The following MYH9 variants were observed in gnomAD, a reference collection of about 807,000 sequenced individuals.
MYH9 encodes myosin-9.
A neutral mutation model predicts 241.9 loss-of-function variants in MYH9; 29 were observed. The ratio of observed to expected loss-of-function variants is 0.12; its 90% CI spans 0.09 to 0.16. The LOEUF is 0.16. MYH9 is among the 10% of genes least tolerant of loss of function. The pLI is 1.00. For missense variants in MYH9, 1,803 were observed against 2,595.5 expected (o/e 0.69, Z 6.63); for synonymous variants, 1,047 against 1,062.6 (o/e 0.99, Z 0.29).
chr22:36,383,664 A>AG (rs1569537346), intron 1 of MYH9, among the ~76,000 whole-genome samples: 67 of 100,774 alleles, frequency 6.6e-4, no homozygotes, highest in Middle Eastern at 8.9e-3. Context: ...ATTAAAAAAA[A>AG]AGGGGGGGGG....
intron 21 of MYH9, among the ~76,000 whole-genome samples, chr22:36,301,287 T>G (rs957029252): frequency 1.3e-5 from 2 of 152,186 alleles, no homozygotes; most frequent in African/African-American, 2.4e-5. Flanking sequence ...GCTCAAGTCA[T>G]GTGGTAGAGC....
At chr22:36,362,401 G>A (rs2017948685) in intron 1 of MYH9, among the ~76,000 whole-genome samples, 1 of 152,142 alleles carries the variant, frequency 6.6e-6, no homozygotes, top group African/African-American at 2.4e-5. Context: ...ATCTCATGTG[G>A]CATGTGTCAC....
Position 36,292,016 on chromosome 22 carries a change from G to A in MYH9, c.4314C>T (p.Asn1438=). The A allele has an allele frequency of 6.2e-7, 1 of 1,614,196 alleles. No homozygotes were observed. The highest frequency in any genetic ancestry group is 8.5e-7 in the Non-Finnish European group (1 of 1,180,032). ...DLDHQRQSAC[N]LEKKQKKFDQ... is the part of the protein sequence containing the mutation. ...CAAACTTCTTCTGCTTCTTCTCCAG[G>A]TTGCACGCGCTCTGGCGCTGGTGGT... Residue 1438 remains asparagine, a synonymous_variant, in exon 31 of 41, where the codon AAC becomes AAT. Coordinates refer to ENST00000216181, the MANE Select transcript of MYH9 (RefSeq NM_002473.6).
chr22:36,314,634 TAC>T (rs1221554383), intron 12 of MYH9, among the ~76,000 whole-genome samples: 6 of 151,864 alleles, frequency 4.0e-5, no homozygotes, highest in African/African-American at 1.5e-4. Flanking sequence ...GATCGAGTAA[TAC>T]ATTGTTTTTT....
At position 36,305,809 on chromosome 22, in the gene MYH9, A is replaced by G; in HGVS notation, c.2159+121T>C. 2 of 1,419,360 alleles carry G rather than the reference A, an allele frequency of 1.4e-6. No homozygotes were observed. The highest frequency in any genetic ancestry group is 2.0e-6 in the Non-Finnish European group (2 of 1,014,400). 87.9% of individuals were successfully genotyped at this position (1,419,360 alleles called of 1,614,324 possible). ...GGAAGAGCTGGCCAGACTCAGTTCTACATGGATGGAGGACGTCGCTCCCTC... is the reference window on the plus strand; with the variant it reads ...GGAAGAGCTGGCCAGACTCAGTTCTGCATGGATGGAGGACGTCGCTCCCTC... On this transcript the variant is annotated intron_variant, in intron 17 of 40. Transcript: ENST00000216181. This position sits in a 1 kb window ranked among gnomAD's most constrained non-coding sequence, Gnocchi z 4.7.
rs201827299 is a variant in MYH9, at chr22:36,312,199, G to C, written c.1578C>G (p.Ala526=). ...EKPAGPPGIL[A]LLDEECWFPK... The stretch of plus-strand genomic sequence containing the variant: ...GGAACCAGCACTCCTCGTCCAGCAG[G>C]GCCAGAATGCCCGGGGGGCCTGCCT... The change falls in exon 14 of 41, where the codon GCC becomes GCG. Residue 526 remains alanine (A), a synonymous_variant. Coordinates refer to ENST00000216181, the MANE Select transcript of MYH9 (RefSeq NM_002473.6). 1.5e-4 allele frequency: 246 copies of C among 1,614,160 alleles called. No individual in the cohort carries two copies. Among genetic ancestry groups the C allele is most frequent in the Non-Finnish European group, 2.1e-4 (242 of 1,180,030 alleles).
chr22:36,291,893 G>A (rs1569534907), intron 31 of MYH9, 93 bp downstream of exon 31: 1 of 1,594,930 alleles, frequency 6.3e-7, no homozygotes, highest in Non-Finnish European at 8.6e-7. Flanking sequence ...GCGAGACCCT[G>A]AGGGAGCCCA....
chr22:36,381,669 C>T (rs532070319), intron 1 of MYH9, among the ~76,000 whole-genome samples: 9 of 152,138 alleles, frequency 5.9e-5, no homozygotes, highest in East Asian at 1.9e-4. Flanking sequence ...TTACACAAAA[C>T]GAAGCACCAT....
rs1446980541 is a variant in MYH9 at position 36,282,556 on chromosome 22, A to T, written c.*112T>A. ...GGGGGACGGGGCGGAGGGCAGGAGG[A>T]GGCATGTTCACAGCAGTCCCAAGAA... On this transcript the variant is annotated 3_prime_UTR_variant, in exon 41 of 41. Transcript: ENST00000216181. The T allele has an allele frequency of 3.0e-6, 3 of 990,404 alleles. No homozygotes were observed. In the South Asian group the frequency reaches 3.8e-5, roughly 13 times the overall value. The allele number at this position is 990,404 out of a possible 1,614,324, so 61.4% of individuals were successfully genotyped here. A position where few individuals can be genotyped will look rare whatever the true frequency, so the allele number is the denominator to read the frequency against.
Position 36,285,271 on chromosome 22 carries a change from T to G in MYH9, c.5333A>C (p.Asn1778Thr), listed in dbSNP as rs1271830093. The G allele has an allele frequency of 6.2e-7, 1 of 1,613,970 alleles. No individual in the cohort carries two copies. The highest frequency in any genetic ancestry group is 1.3e-5 in the African/African-American group (1 of 75,060). ...LERSHAQKNE[N>T]ARQQLERQNK... The stretch of plus-strand genomic sequence containing the variant: ...CTGGCGTTCCAGCTGCTGCCGAGCA[T>G]TCTCGTTCTTCTGGGCGTGGCTGCG... Residue 1778 changes from asparagine to threonine, a missense_variant, in exon 38 of 41, where the codon AAT becomes ACT. Asn to Thr is a moderately conservative substitution (Grantham distance 65). This residue lies in a region of MYH9 where 876 missense variants were observed against 1,077.8 expected (regional missense o/e 0.81). Coordinates refer to ENST00000216181, the MANE Select transcript of MYH9 (RefSeq NM_002473.6). This position sits in a 1 kb window ranked among gnomAD's most constrained non-coding sequence, Gnocchi z 7.0.
Position 36,321,836 on chromosome 22 carries a change from A to T in MYH9, c.706-15T>A, listed in dbSNP as rs757899711. 6.2e-7 allele frequency: 1 copy of T among 1,611,930 alleles called. No homozygotes were observed. The highest frequency in any genetic ancestry group is 8.5e-7 in the Non-Finnish European group (1 of 1,178,046). On this transcript the variant is annotated splice_polypyrimidine_tract_variant and intron_variant, in intron 6 of 40. Transcript: ENST00000216181. ...ATGAATTTGCCCTAAGTAAGAAAGG[A>T]TAGCAAGAGATCAGAGGTGCCCCTG...
intron 1 of MYH9, among the ~76,000 whole-genome samples, chr22:36,383,819 G>A (rs1386681225): frequency 6.6e-6 from 1 of 151,932 alleles, no homozygotes; most frequent in Non-Finnish European, 1.5e-5. Flanking sequence ...AATTAGCCAC[G>A]CATGGTGGCG....
intron 40 of MYH9, 63 bp from the exon 41 acceptor site, chr22:36,282,848 C>T (rs1306735862): frequency 2.2e-6 from 3 of 1,382,514 alleles, no homozygotes; most frequent in Non-Finnish European, 3.0e-6. Flanking sequence ...GGCCACAGCA[C>T]AGCCCACACA....
chr22:36,334,065 T>C (rs914495408), intron 3 of MYH9, among the ~76,000 whole-genome samples: 6 of 150,592 alleles, frequency 4.0e-5, no homozygotes, highest in African/African-American at 1.5e-4. Context: ...GAGCAAAGCA[T>C]GGTGGGCCTG....
Position 36,293,541 on chromosome 22 carries a change from C to T in MYH9, c.3943-60G>A. On this transcript the variant is annotated intron_variant, in intron 29 of 40. Transcript: ENST00000216181. This position sits in a 1 kb window ranked among gnomAD's most constrained non-coding sequence, Gnocchi z 5.1. ...GAGGGTGGTGTCCAAAACCCAGGAA[C>T]CCCACACCCTTGAGGAGAGGGAGGA... is the stretch of plus-strand genomic sequence containing the variant. The T allele has an allele frequency of 3.1e-6, 5 of 1,600,170 alleles. No individual in the cohort carries two copies. Among genetic ancestry groups the T allele is most frequent in the Non-Finnish European group, 4.3e-6 (5 of 1,174,300 alleles).
At chr22:36,384,260 C>T (rs550228137) in intron 1 of MYH9, among the ~76,000 whole-genome samples, 2 of 137,484 alleles carry the variant, frequency 1.5e-5, no homozygotes, top group Non-Finnish European at 3.1e-5. Context: ...GAGAGTGAGA[C>T]TCATCTCAAA....
At chr22:36,339,953 T>C (rs1450682134) in intron 3 of MYH9, among the ~76,000 whole-genome samples, 2 of 152,154 alleles carry the variant, frequency 1.3e-5, no homozygotes, top group Non-Finnish European at 2.9e-5. Flanking sequence ...AGCCCAGATA[T>C]TCTCCTTGGA....
rs983037519 is a variant in MYH9 at position 36,305,570 on chromosome 22, C to T, written c.2159+360G>A. On this transcript the variant is annotated intron_variant, in intron 17 of 40. Transcript: ENST00000216181. The surrounding 1 kb of genome is among the most constrained non-coding windows in gnomAD (Gnocchi z 4.7). ...CGCCGTCTTCGCACACAGCAACGCA[C>T]GGCCGTGTTTCATTTCCACAAAGTT... Among the ~76,000 whole-genome samples the T allele has an allele frequency of 7.9e-5, 12 of 152,362 alleles. No homozygotes were observed. Among genetic ancestry groups the T allele is most frequent in the East Asian group, 1.9e-4 (1 of 5,192 alleles).
chr22:36,295,176 G>A lies in MYH9; in HGVS notation c.3486-100C>T. On this transcript the variant is annotated intron_variant, in intron 26 of 40. Coordinates refer to ENST00000216181, the MANE Select transcript of MYH9 (RefSeq NM_002473.6). This position sits in a 1 kb window ranked among gnomAD's most constrained non-coding sequence, Gnocchi z 4.1. The stretch of plus-strand genomic sequence containing the variant: ...CAAAGAGAGGCCTGGCCAGGGCACA[G>A]GCACTCCAGGCAGCTTTTCTACCCA... The A allele has an allele frequency of 2.0e-6, 3 of 1,523,132 alleles. No individual in the cohort carries two copies. Among genetic ancestry groups the A allele is most frequent in the Non-Finnish European group, 2.7e-6 (3 of 1,104,098 alleles). The allele number at this position is 1,523,132 out of a possible 1,614,324, so 94.4% of individuals were successfully genotyped here.
Sources: allele counts gnomAD v4.1 joint callset (sites outside exome capture counted in the v4.1 genomes callset), GRCh38; gene constraint gnomAD v4.1.1; regional missense constraint gnomAD v4.1.1; non-coding constraint Gnocchi (gnomAD v3.1); transcripts MANE v1.5; gene names NCBI Gene and HGNC (gene_info 2026-07-23, HGNC 2026-07-21).